The following LRRC37A2 variants were observed in gnomAD, a reference collection of about 807,000 sequenced individuals.
LRRC37A2 encodes the protein leucine-rich repeat-containing protein 37A2.
LRRC37A2 carries 9 observed loss-of-function variants against 68.8 expected under a neutral mutation model. That is an observed-to-expected ratio of 0.13 (90% confidence interval 0.08 to 0.23). The LOEUF is 0.23. Among genes scored for constraint, LRRC37A2 ranks in the 10% least tolerant of loss-of-function variants. LRRC37A2 has a pLI of 1.00. For missense variants in LRRC37A2, 168 were observed against 950.4 expected (o/e 0.18, Z 10.82); for synonymous variants, 63 against 367.6 (o/e 0.17, Z 9.48).
At chr17:46,789,902 C>A in the LRRC37A2 span, among the ~76,000 whole-genome samples, 1 of 152,230 alleles carries the variant, frequency 6.6e-6, no homozygotes, top group African/African-American at 2.4e-5. Flanking sequence ...CACTCTCTAC[C>A]TTTCAAGGTG....
chr17:46,732,646 G>A, the LRRC37A2 span, among the ~76,000 whole-genome samples: 5 of 152,158 alleles, frequency 3.3e-5, no homozygotes, highest in Non-Finnish European at 7.3e-5. Context: ...TGCAGTTCGT[G>A]AAGAGTGAAA....
At chr17:46,734,226 A>T in the LRRC37A2 span, among the ~76,000 whole-genome samples, 3 of 152,226 alleles carry the variant, frequency 2.0e-5, no homozygotes, top group Non-Finnish European at 4.4e-5. Context: ...AGGCCTAAAC[A>T]TGAGTATCTC....
At chr17:46,872,403 A>C in the LRRC37A2 span, 2 of 1,361,402 alleles carry the variant, frequency 1.5e-6, no homozygotes, top group African/African-American at 1.5e-5. Flanking sequence ...CCAGCGGGTC[A>C]GCCTGCTGCC....
At chr17:46,773,833 G>A in the LRRC37A2 span, 2 of 1,613,372 alleles carry the variant, frequency 1.2e-6, no homozygotes, top group African/African-American at 1.3e-5. Context: ...AGTTGCTTGG[G>A]GACCAGGCCT....
At chr17:46,935,085 G>T in the LRRC37A2 span, 59 of 1,613,200 alleles carry the variant, frequency 3.7e-5, no homozygotes, top group East Asian at 1.2e-3. Flanking sequence ...CCTCCCTCCA[G>T]AAAGTTCACA....
the LRRC37A2 span, among the ~76,000 whole-genome samples, chr17:46,622,553 C>T: frequency 5.4e-5 from 8 of 147,910 alleles, no homozygotes; most frequent in South Asian, 2.1e-4. Flanking sequence ...GAGGCCGAGG[C>T]GGGCGGATTG....
the LRRC37A2 span, among the ~76,000 whole-genome samples, chr17:46,649,463 G>A: frequency 6.6e-6 from 1 of 152,078 alleles, no homozygotes. Flanking sequence ...GAGGAACTGG[G>A]CGTGAATTTG....
At chr17:46,728,786 CAAA>C in the LRRC37A2 span, 1 of 859,918 alleles carries the variant, frequency 1.2e-6, no homozygotes, top group Non-Finnish European at 1.7e-6. Flanking sequence ...AAAAAAAAAA[CAAA>C]AACTGAATGT....
chr17:46,802,501 C>G, the LRRC37A2 span, among the ~76,000 whole-genome samples: 2 of 152,264 alleles, frequency 1.3e-5, no homozygotes, highest in East Asian at 3.9e-4. Flanking sequence ...CTCCTGACCT[C>G]AGATGATCCA....
chr17:46,997,133 T>G, the LRRC37A2 span, among the ~76,000 whole-genome samples: 1 of 152,124 alleles, frequency 6.6e-6, no homozygotes, highest in East Asian at 1.9e-4. Context: ...GTCTGATTGC[T>G]TGAGCTCAGG....
chr17:47,043,431 G>A, the LRRC37A2 span, among the ~76,000 whole-genome samples: 35 of 150,254 alleles, frequency 2.3e-4, no homozygotes, highest in Non-Finnish European at 3.6e-4. Flanking sequence ...CCCGGGAGGC[G>A]GAGATTGCAG....
At chr17:46,926,159 C>T in the LRRC37A2 span, among the ~76,000 whole-genome samples, 2 of 152,164 alleles carry the variant, frequency 1.3e-5, no homozygotes, top group South Asian at 2.1e-4. Flanking sequence ...AGAACTATTA[C>T]CTTATCTCAA....
chr17:46,811,988 C>T, the LRRC37A2 span, among the ~76,000 whole-genome samples: 2 of 152,110 alleles, frequency 1.3e-5, no homozygotes, highest in Admixed American at 6.6e-5. Flanking sequence ...AGAAACTCAA[C>T]TCTGCCCAGG....
chr17:46,525,620 C>A (rs55904620), intron 6 of LRRC37A2, among the ~76,000 whole-genome samples: 37,389 of 97,102 alleles, frequency 0.39, 5,301 homozygotes, highest in Non-Finnish European at 0.47. Flanking sequence ...TAATAATCAT[C>A]ATCATCATCA....
At chr17:46,740,037 T>A in the LRRC37A2 span, among the ~76,000 whole-genome samples, 3 of 152,334 alleles carry the variant, frequency 2.0e-5, no homozygotes, top group Admixed American at 2.0e-4. Context: ...CAAAGTTTCA[T>A]AGGCCCTGGG....
At chr17:46,927,848 C>T in the LRRC37A2 span, among the ~76,000 whole-genome samples, 1 of 152,138 alleles carries the variant, frequency 6.6e-6, no homozygotes, top group African/African-American at 2.4e-5. Flanking sequence ...TTTACCTCCC[C>T]CCTTTTTATT....
chr17:46,779,103 A>ACACCCC, the LRRC37A2 span, among the ~76,000 whole-genome samples: 171 of 133,652 alleles, frequency 1.3e-3, 6 homozygotes, highest in East Asian at 0.014. Context: ...ACACACACAC[A>ACACCCC]CCCCAGCCCA....
At chr17:46,799,602 C>A in the LRRC37A2 span, among the ~76,000 whole-genome samples, 2 of 152,080 alleles carry the variant, frequency 1.3e-5, no homozygotes, top group Non-Finnish European at 2.9e-5. Context: ...TGTGCGCCAC[C>A]ATGCCTGGCT....
At chr17:46,977,600 C>T in the LRRC37A2 span, among the ~76,000 whole-genome samples, 27 of 152,226 alleles carry the variant, frequency 1.8e-4, no homozygotes, top group Non-Finnish European at 7.3e-5. Context: ...CTGCAGGCAA[C>T]TGCGTTTGGA....
Sources: allele counts gnomAD v4.1 joint callset (sites outside exome capture counted in the v4.1 genomes callset), GRCh38; gene constraint gnomAD v4.1.1; transcripts MANE v1.5; gene names NCBI Gene and HGNC (gene_info 2026-07-23, HGNC 2026-07-21).